The following EYS variants were observed in gnomAD, a reference collection of about 807,000 sequenced individuals.
The protein encoded by EYS is EGF-like photoreceptor maintenance factor.
Under a neutral mutation model 282.1 loss-of-function variants are expected in EYS, and 250 were observed. The ratio of observed to expected loss-of-function variants is 0.89; its 90% CI spans 0.80 to 0.98. The LOEUF is 0.98. EYS is among the 50% of genes least tolerant of loss of function. The probability of loss-of-function intolerance (pLI) is 0.00; values close to 1 mark genes in which losing one functional copy is unlikely to be tolerated. For synonymous variants in EYS, 1,355 were observed against 1,282.9 expected (o/e 1.06, Z -1.20); for missense variants, 4,016 against 3,709.0 (o/e 1.08, Z -2.15).
chr6:65,596,258 A>T (rs1765399914), intron 2 of EYS, among the ~76,000 whole-genome samples: 1 of 152,114 alleles, frequency 6.6e-6, no homozygotes, highest in Admixed American at 6.6e-5. Context: ...ACAAAACTGA[A>T]CTACATTCAC....
chr6:63,937,981 A>T (rs1291197411), intron 35 of EYS, among the ~76,000 whole-genome samples: 1 of 152,238 alleles, frequency 6.6e-6, no homozygotes, highest in Admixed American at 6.5e-5. Flanking sequence ...TAGCTGATAA[A>T]ATCAATTCCA....
chr6:65,291,411 T>A (rs1768521191), intron 12 of EYS, among the ~76,000 whole-genome samples: 1 of 151,532 alleles, frequency 6.6e-6, no homozygotes, highest in Admixed American at 6.6e-5. Context: ...ATGTTTTTTT[T>A]GATTTAGCAA....
intron 13 of EYS, among the ~76,000 whole-genome samples, chr6:65,010,317 T>G (rs1466373829): frequency 6.6e-6 from 1 of 152,186 alleles, no homozygotes; most frequent in Admixed American, 6.5e-5. Flanking sequence ...TGTGTGGACA[T>G]CCATGATGTG....
intron 12 of EYS, among the ~76,000 whole-genome samples, chr6:65,107,219 G>A (rs1775064526): frequency 6.6e-6 from 1 of 151,464 alleles, no homozygotes; most frequent in South Asian, 2.1e-4. Flanking sequence ...TTTTACCTTC[G>A]TCATAAAAAT....
chr6:65,617,798 TG>T (rs1171553378), intron 2 of EYS, among the ~76,000 whole-genome samples: 1 of 149,386 alleles, frequency 6.7e-6, no homozygotes, highest in Non-Finnish European at 1.5e-5. Context: ...TGAGAATATG[TG>T]GTGTTTGGTT....
chr6:64,035,636 G>C (rs1027526306), intron 33 of EYS, among the ~76,000 whole-genome samples: 4 of 152,116 alleles, frequency 2.6e-5, no homozygotes, highest in African/African-American at 7.2e-5. Flanking sequence ...AATGTGCAGG[G>C]GAAATTTGAC....
intron 13 of EYS, among the ~76,000 whole-genome samples, chr6:65,038,623 T>G (rs2150147909): frequency 6.6e-6 from 1 of 151,666 alleles, no homozygotes; most frequent in African/African-American, 2.4e-5. Context: ...GGTGTATGTT[T>G]AATTTTAAAT....
At chr6:63,860,796 GTGTT>G (rs1447085421) in intron 36 of EYS, among the ~76,000 whole-genome samples, 1 of 152,218 alleles carries the variant, frequency 6.6e-6, no homozygotes, top group Non-Finnish European at 1.5e-5. Context: ...GATGAGAGGA[GTGTT>G]TGTCAGGGTA....
chr6:64,798,984 ACTTTGTCT>A (rs774253461), intron 22 of EYS, among the ~76,000 whole-genome samples: 2 of 151,774 alleles, frequency 1.3e-5, no homozygotes, highest in Non-Finnish European at 2.9e-5. Flanking sequence ...AGTACTTGGC[ACTTTGTCT>A]CTTTAACCAG....
At chr6:65,204,937 A>ACGTATT (rs1180286547) in intron 12 of EYS, among the ~76,000 whole-genome samples, 9 of 117,240 alleles carry the variant, frequency 7.7e-5, no homozygotes, top group African/African-American at 2.9e-4. Context: ...TTCTAGAAGA[A>ACGTATT]TATATTTATA....
chr6:64,792,622 A>G (rs1245476879), intron 22 of EYS, among the ~76,000 whole-genome samples: 1 of 152,006 alleles, frequency 6.6e-6, no homozygotes, highest in Non-Finnish European at 1.5e-5. Flanking sequence ...AATACCTAAA[A>G]CTCCAAAGCA....
chr6:64,789,598 C>T (rs1448777820), intron 22 of EYS, among the ~76,000 whole-genome samples: 1 of 152,088 alleles, frequency 6.6e-6, no homozygotes, highest in African/African-American at 2.4e-5. Flanking sequence ...CTGTGTTAGA[C>T]AATATGTTCA....
chr6:65,316,317 C>T (rs1769294017), intron 11 of EYS, among the ~76,000 whole-genome samples: 1 of 152,046 alleles, frequency 6.6e-6, no homozygotes, highest in Non-Finnish European at 1.5e-5. Context: ...CTTACCTATC[C>T]TAAAGTCTTG....
chr6:63,972,461 T>C (rs1279477992), intron 35 of EYS, among the ~76,000 whole-genome samples: 13 of 152,228 alleles, frequency 8.5e-5, no homozygotes, highest in Non-Finnish European at 4.4e-5. Flanking sequence ...GAAGCTATAA[T>C]TTTTATATGT....
At chr6:64,465,552 A>T (rs1289418949) in intron 26 of EYS, among the ~76,000 whole-genome samples, 1 of 152,126 alleles carries the variant, frequency 6.6e-6, no homozygotes, top group Non-Finnish European at 1.5e-5. Context: ...CCACATGCAG[A>T]CTAATAAAAA....
intron 11 of EYS, among the ~76,000 whole-genome samples, chr6:65,305,610 A>T (rs1217579772): frequency 2.0e-5 from 3 of 152,114 alleles, no homozygotes; most frequent in Non-Finnish European, 4.4e-5. Context: ...GTAATTTTTT[A>T]AAAGGCTTTA....
At chr6:65,248,605 T>G (rs1767241025) in intron 12 of EYS, among the ~76,000 whole-genome samples, 1 of 151,954 alleles carries the variant, frequency 6.6e-6, no homozygotes. Flanking sequence ...AGCAATCAAA[T>G]TCTGTAGGAA....
chr6:64,711,692 A>G (rs1771217949), intron 22 of EYS, among the ~76,000 whole-genome samples: 1 of 152,250 alleles, frequency 6.6e-6, no homozygotes, highest in Non-Finnish European at 1.5e-5. Flanking sequence ...TTTCAGATAC[A>G]CAGATATGAT....
intron 5 of EYS, among the ~76,000 whole-genome samples, chr6:65,465,245 CAT>C (rs1304546782): frequency 6.6e-6 from 1 of 152,068 alleles, no homozygotes; most frequent in Non-Finnish European, 1.5e-5. Flanking sequence ...GGGAGGATCA[CAT>C]GAGGCCAGGA....
Sources: gnomAD v4.1 joint callset for allele counts (sites outside exome capture counted in the v4.1 genomes callset) on GRCh38, gnomAD v4.1.1 for gene constraint, MANE v1.5 for transcripts, NCBI Gene and HGNC (gene_info 2026-07-23, HGNC 2026-07-21) for gene names.